The following WNT9B variants were observed in gnomAD, a reference collection of about 807,000 sequenced individuals.
WNT9B encodes the protein protein Wnt-9b.
A neutral mutation model predicts 30.2 loss-of-function variants in WNT9B; 12 were observed. That is an observed-to-expected ratio of 0.40 (90% CI 0.26 to 0.64). The LOEUF (loss-of-function observed/expected upper bound fraction) is 0.64, where lower values mean the gene tolerates loss of function less well. WNT9B is among the 30% of genes least tolerant of loss of function. WNT9B has a pLI of 0.42. For synonymous variants in WNT9B, 218 were observed against 216.9 expected (o/e 1.01, Z -0.05); for missense variants, 442 against 485.2 (o/e 0.91, Z 0.84).
chr17:46,876,445 G>C lies in WNT9B; in HGVS notation c.801G>C (p.Gln267His), dbSNP rs368406991. ...GRLELWAPAR[Q>H]GSLTKGLAPR... ...TAGAGCTGTGGGCCCCTGCCAGGCA[G>C]GGCAGCCTCACCAAAGGCCTGGCCC... The change falls in exon 4 of 4, where the codon CAG (glutamine) becomes CAC (histidine). Residue 267 changes from glutamine to histidine, a missense_variant. Coordinates refer to ENST00000290015, the MANE Select transcript of WNT9B (RefSeq NM_003396.3). The C allele has an allele frequency of 5.0e-6, 8 of 1,613,738 alleles. No homozygotes were observed. The highest frequency in any genetic ancestry group is 6.8e-6 in the Non-Finnish European group (8 of 1,180,026).
At chr17:46,868,870 G>T (rs1430968681) in intron 1 of WNT9B, among the ~76,000 whole-genome samples, 1 of 152,204 alleles carries the variant, frequency 6.6e-6, no homozygotes, top group Non-Finnish European at 1.5e-5. Flanking sequence ...TTATTCTGGG[G>T]TCTAGGAAGA....
intron 1 of WNT9B, among the ~76,000 whole-genome samples, chr17:46,836,177 A>G (rs1408044878): frequency 6.7e-6 from 1 of 149,556 alleles, no homozygotes; most frequent in Non-Finnish European, 1.5e-5. Flanking sequence ...ACACCTCACC[A>G]CAGATCTTAA....
At chr17:46,876,190 C>A in intron 3 of WNT9B, 55 bp from the exon 4 acceptor site, 1 of 1,502,060 alleles carries the variant, frequency 6.7e-7, no homozygotes, top group Non-Finnish European at 9.0e-7. Context: ...TGGGGGCAGG[C>A]TCTGGCTGCT....
At chr17:46,849,650 A>G (rs1405364396), upstream of WNT9B, among the ~76,000 whole-genome samples, 31 of 152,208 alleles carry the variant, frequency 2.0e-4, no homozygotes. Context: ...AACTCCAGTG[A>G]TCAGAAACGA....
chr17:46,884,996 C>CT (rs750351037), downstream of WNT9B: 3,300 of 360,814 alleles, frequency 9.1e-3, no homozygotes, highest in East Asian at 0.013. Flanking sequence ...ATTTCCTTAG[C>CT]TTTTTTTTTT....
chr17:46,853,995 T>C (rs1384164898), intron 1 of WNT9B, among the ~76,000 whole-genome samples: 1 of 150,548 alleles, frequency 6.6e-6, no homozygotes, highest in East Asian at 1.9e-4. Context: ...CAAATAGGCC[T>C]GGGTTAGGGC....
upstream of WNT9B, among the ~76,000 whole-genome samples, chr17:46,849,705 G>A (rs1214398363): frequency 6.6e-6 from 1 of 152,158 alleles, no homozygotes. Context: ...GAATATTTAA[G>A]GCACAGAGAT....
intron 1 of WNT9B, among the ~76,000 whole-genome samples, chr17:46,862,640 T>A (rs2085060661): frequency 6.6e-6 from 1 of 152,312 alleles, no homozygotes; most frequent in East Asian, 1.9e-4. Flanking sequence ...TGGAGTGCAG[T>A]GGCAGGATCT....
chr17:46,877,590 A>G lies in WNT9B; in HGVS notation c.*872A>G, dbSNP rs2085365800. 6.6e-6 allele frequency among the ~76,000 whole-genome samples: 1 copy of G among 152,128 alleles called. No homozygotes were observed. Among genetic ancestry groups the G allele is most frequent in the South Asian group, 2.1e-4 (1 of 4,822 alleles). On this transcript the variant is annotated 3_prime_UTR_variant, in exon 4 of 4. Coordinates refer to ENST00000290015, the MANE Select transcript of WNT9B (RefSeq NM_003396.3). ...GCTGGCCAAAGGAATCTTCACTCCC[A>G]GCGCAGAGGAGGAGGGCAACAGCTT...
At chr17:46,867,091 G>A (rs1379909647) in intron 1 of WNT9B, among the ~76,000 whole-genome samples, 1 of 152,240 alleles carries the variant, frequency 6.6e-6, no homozygotes, top group African/African-American at 2.4e-5. Flanking sequence ...TCCTCAAGGA[G>A]GCAGGCCAGT....
chr17:46,834,673 C>A (rs941761313), intron 1 of WNT9B, among the ~76,000 whole-genome samples: 5 of 152,174 alleles, frequency 3.3e-5, no homozygotes, highest in Non-Finnish European at 7.3e-5. Context: ...CCTTCCCTGT[C>A]CTCTGTCACA....
chr17:46,873,561 T>G (rs2146603936), intron 2 of WNT9B, among the ~76,000 whole-genome samples: 1 of 152,276 alleles, frequency 6.6e-6, no homozygotes, highest in East Asian at 1.9e-4. Flanking sequence ...AAGTTGCCAT[T>G]TAAATGGAAC....
At chr17:46,849,909 G>C (rs190972702), upstream of WNT9B, among the ~76,000 whole-genome samples, 5 of 151,180 alleles carry the variant, frequency 3.3e-5, no homozygotes, top group Admixed American at 3.3e-4. Flanking sequence ...GTGCAATGGC[G>C]TGATTTCGGC....
intron 1 of WNT9B, among the ~76,000 whole-genome samples, chr17:46,852,371 GA>G (rs931214520): frequency 2.0e-5 from 3 of 149,830 alleles, no homozygotes; most frequent in Admixed American, 6.7e-5. Flanking sequence ...GAGAACACTG[GA>G]AAGAGTGAGA....
At chr17:46,855,566 G>T (rs1306690324) in intron 1 of WNT9B, among the ~76,000 whole-genome samples, 2 of 152,218 alleles carry the variant, frequency 1.3e-5, no homozygotes, top group Non-Finnish European at 2.9e-5. Flanking sequence ...TAGGATTGCT[G>T]AAGAGTTTTT....
chr17:46,869,166 G>A (rs1298958461), intron 1 of WNT9B, among the ~76,000 whole-genome samples: 1 of 152,146 alleles, frequency 6.6e-6, no homozygotes, highest in African/African-American at 2.4e-5. Flanking sequence ...TGTGCGGTTG[G>A]CTACCTTTCC....
At chr17:46,882,332 G>A (rs560694636), downstream of WNT9B, among the ~76,000 whole-genome samples, 10 of 152,128 alleles carry the variant, frequency 6.6e-5, no homozygotes, top group African/African-American at 9.7e-5. Context: ...TGCATGTCTC[G>A]TGGAATACCT....
At position 46,879,255 on chromosome 17, in the gene WNT9B, C is replaced by A. The variant is rs183197752; in HGVS notation, c.*2537C>A. Among the ~76,000 whole-genome samples the A allele has an allele frequency of 6.6e-6, 1 of 152,110 alleles. No individual in the cohort carries two copies. The highest frequency in any genetic ancestry group is 1.5e-5 in the Non-Finnish European group (1 of 68,022). ...GAGATACAGCCTGACCTGACCGGGTCCCCCACTGAGCAGGAGGCCGGGTCG... is the reference window on the plus strand; with the variant it reads ...GAGATACAGCCTGACCTGACCGGGTACCCCACTGAGCAGGAGGCCGGGTCG... On this transcript the variant is annotated 3_prime_UTR_variant, in exon 4 of 4. Transcript: ENST00000290015.
chr17:46,844,304 C>CTT (rs2084748440), intron 1 of WNT9B, among the ~76,000 whole-genome samples: 2 of 100,384 alleles, frequency 2.0e-5, no homozygotes, highest in Admixed American at 1.2e-4. Flanking sequence ...GAGTTAGCCA[C>CTT]CTTTTTTTTT....
Sources: gnomAD v4.1 joint callset for allele counts (sites outside exome capture counted in the v4.1 genomes callset) on GRCh38, gnomAD v4.1.1 for gene constraint, MANE v1.5 for transcripts, NCBI Gene and HGNC (gene_info 2026-07-23, HGNC 2026-07-21) for gene names.